The following TMEM50B variants were observed in gnomAD, a reference collection of about 807,000 sequenced individuals.
TMEM50B encodes HCV p7-trans-regulated protein 3.
In TMEM50B, 14 loss-of-function variants were observed where a neutral mutation model predicts 23.4. The observed-to-expected ratio is 0.60, with a 90% CI of 0.39 to 0.93. The LOEUF (loss-of-function observed/expected upper bound fraction) is 0.93. TMEM50B is among the 40% of genes least tolerant of loss of function. The probability of loss-of-function intolerance (pLI) is 0.00; values close to 1 mark genes in which losing one functional copy is unlikely to be tolerated. For missense variants in TMEM50B, 159 were observed against 193.0 expected (o/e 0.82, Z 1.04); for synonymous variants, 64 against 62.3 (o/e 1.03, Z -0.13).
rs370155986 is a variant in TMEM50B, at chr21:33,434,207, G to A, written c.*2121-1405C>T. Among the ~76,000 whole-genome samples, 39 of 152,252 alleles carry A rather than the reference G, an allele frequency of 2.6e-4. No homozygotes were observed. The South Asian group carries it at 6.0e-3, about 23-fold the overall frequency. ...TCAGGACATTTTGGGGATCAGAGGC[G>A]AGCTGAGAGAAGAACATTTAAAAAG... On this transcript the variant is annotated intron_variant and NMD_transcript_variant, in intron 8 of 8. Transcript: ENST00000420455.
intron 5 of TMEM50B, among the ~76,000 whole-genome samples, chr21:33,459,109 G>A (rs1381873995): frequency 6.6e-6 from 1 of 152,158 alleles, no homozygotes; most frequent in Non-Finnish European, 1.5e-5. Flanking sequence ...AATAAATTGC[G>A]TTCTCTGAAA....
At chr21:33,440,213 T>G (rs1229095182) in intron 7 of TMEM50B, among the ~76,000 whole-genome samples, 4 of 152,172 alleles carry the variant, frequency 2.6e-5, no homozygotes, top group Admixed American at 2.0e-4. Flanking sequence ...CTTGGAATAG[T>G]TAAAGTCAAA....
chr21:33,437,321 T>C, intron 8 of TMEM50B: 1 of 259,072 alleles, frequency 3.9e-6, no homozygotes, highest in Non-Finnish European at 7.6e-6. Flanking sequence ...GGTCGTCGTC[T>C]TGACTTTGGC....
chr21:33,468,956 C>T (rs1388407280), intron 1 of TMEM50B, 30 bp from the exon 2 acceptor site: 10 of 1,209,840 alleles, frequency 8.3e-6, no homozygotes, highest in African/African-American at 1.5e-5. Context: ...AACTAATCAA[C>T]CTAAGAAAAT....
chr21:33,437,349 T>C (rs1367339990), intron 8 of TMEM50B: 4 of 228,872 alleles, frequency 1.7e-5, no homozygotes, highest in South Asian at 5.7e-5. Context: ...CCGGAGCCCC[T>C]TGGGCAGGTC....
chr21:33,455,620 T>C (rs1408724259), intron 6 of TMEM50B, 107 bp downstream of exon 6: 25 of 980,002 alleles, frequency 2.6e-5, no homozygotes, highest in Middle Eastern at 2.5e-4. Context: ...AGTTCTATCA[T>C]TGTAACCAAT....
At chr21:33,459,023 G>A (rs941146736) in intron 5 of TMEM50B, among the ~76,000 whole-genome samples, 1 of 152,194 alleles carries the variant, frequency 6.6e-6, no homozygotes, top group African/African-American at 2.4e-5. Flanking sequence ...CCAGCTGTGA[G>A]TCAGGACAAG....
chr21:33,460,054 G>A (rs1002404902), intron 5 of TMEM50B, among the ~76,000 whole-genome samples: 4 of 152,146 alleles, frequency 2.6e-5, no homozygotes, highest in Non-Finnish European at 5.9e-5. Context: ...GTGGATTTTA[G>A]AATTGTATAT....
intron 3 of TMEM50B, 87 bp from the exon 4 acceptor site, chr21:33,465,496 A>G: frequency 1.1e-6 from 1 of 949,612 alleles, no homozygotes; most frequent in Non-Finnish European, 1.6e-6. Context: ...CGGAAAACAG[A>G]TTATTTCATA....
At chr21:33,436,210 C>T (rs902098954) in intron 8 of TMEM50B, among the ~76,000 whole-genome samples, 4 of 150,476 alleles carry the variant, frequency 2.7e-5, no homozygotes, top group Non-Finnish European at 5.9e-5. Context: ...ACAAAATTAG[C>T]AGGGTGTGGT....
chr21:33,437,296 G>C, intron 8 of TMEM50B: 2 of 289,216 alleles, frequency 6.9e-6, no homozygotes, highest in South Asian at 7.1e-5. Flanking sequence ...GTTGGGCTGA[G>C]CAGTCAGAAG....
downstream of TMEM50B, among the ~76,000 whole-genome samples, chr21:33,446,405 T>G (rs564032404): frequency 6.6e-6 from 1 of 151,044 alleles, no homozygotes; most frequent in South Asian, 2.1e-4. Flanking sequence ...CTTGGCTAAT[T>G]TTTTGTATTT....
At chr21:33,438,102 T>C (rs1053397235) in intron 8 of TMEM50B, among the ~76,000 whole-genome samples, 23 of 151,188 alleles carry the variant, frequency 1.5e-4, no homozygotes, top group African/African-American at 2.2e-4. Context: ...CTGGGCAACA[T>C]AGTGAGACCT....
chr21:33,457,453 C>A (rs1451160822), intron 5 of TMEM50B, among the ~76,000 whole-genome samples: 1 of 151,736 alleles, frequency 6.6e-6, no homozygotes, highest in East Asian at 1.9e-4. Flanking sequence ...ACTTCAAGAC[C>A]AGCTTGGCCA....
At chr21:33,447,594 T>C (rs922636392), downstream of TMEM50B, among the ~76,000 whole-genome samples, 1 of 152,024 alleles carries the variant, frequency 6.6e-6, no homozygotes, top group African/African-American at 2.4e-5. Context: ...GGCCAAATTA[T>C]ATGGTTTGAT....
At chr21:33,436,123 C>A (rs1433308021) in intron 8 of TMEM50B, among the ~76,000 whole-genome samples, 1 of 151,182 alleles carries the variant, frequency 6.6e-6, no homozygotes, top group Non-Finnish European at 1.5e-5. Flanking sequence ...TTTGGGAGGC[C>A]GAGGCGGGCG....
At chr21:33,470,947 C>A (rs982119630) in intron 1 of TMEM50B, among the ~76,000 whole-genome samples, 2 of 152,028 alleles carry the variant, frequency 1.3e-5, no homozygotes, top group Non-Finnish European at 2.9e-5. Flanking sequence ...CCTTAGGAAC[C>A]CCATTAAACT....
Position 33,432,775 on chromosome 21 carries a change from G to A in TMEM50B, c.*2148C>T, listed in dbSNP as rs1240789973. Reference sequence around the variant, plus strand: ...TGGGAACATTTTCGTTGCTGTCGGTGCTGGCAGGAGCCTGTTTCTTCCTGG... The same window carrying A: ...TGGGAACATTTTCGTTGCTGTCGGTACTGGCAGGAGCCTGTTTCTTCCTGG... On this transcript the variant is annotated 3_prime_UTR_variant and NMD_transcript_variant, in exon 9 of 9. Transcript: ENST00000420455. The A allele has an allele frequency of 1.9e-6, 3 of 1,613,944 alleles. No individual in the cohort carries two copies. In the African/African-American group the frequency reaches 4.0e-5, roughly 22 times the overall value.
At chr21:33,433,764 G>A (rs1239338065) in intron 8 of TMEM50B, among the ~76,000 whole-genome samples, 1 of 150,674 alleles carries the variant, frequency 6.6e-6, no homozygotes, top group African/African-American at 2.5e-5. Flanking sequence ...TACATTTTAT[G>A]TTATGTGTAT....
Sources: gnomAD v4.1 joint callset for allele counts (sites outside exome capture counted in the v4.1 genomes callset) on GRCh38, gnomAD v4.1.1 for gene constraint, MANE v1.5 for transcripts, NCBI Gene and HGNC (gene_info 2026-07-23, HGNC 2026-07-21) for gene names.